The following EYS variants were observed in gnomAD, a reference collection of about 807,000 sequenced individuals.
The protein encoded by EYS is protein eyes shut homolog.
EYS carries 250 observed loss-of-function variants against 282.1 expected under a neutral mutation model. That is an observed-to-expected ratio of 0.89 (90% CI 0.80 to 0.98). The LOEUF is 0.98. EYS is among the 50% of genes least tolerant of loss of function. The pLI is 0.00. For synonymous variants in EYS, 1,355 were observed against 1,282.9 expected, an observed-to-expected ratio of 1.06 and a Z score of -1.20; for missense variants, 4,016 against 3,709.0, an observed-to-expected ratio of 1.08 and a Z score of -2.15.
intron 5 of EYS, among the ~76,000 whole-genome samples, chr6:65,450,240 A>G (rs1764353050): frequency 6.6e-6 from 1 of 151,994 alleles, no homozygotes; most frequent in African/African-American, 2.4e-5. Context: ...ATTTTATAGC[A>G]TTTTTTTCTA....
At chr6:64,469,253 C>CAGATT (rs1436212709) in intron 26 of EYS, among the ~76,000 whole-genome samples, 2 of 152,102 alleles carry the variant, frequency 1.3e-5, no homozygotes, top group African/African-American at 4.8e-5. Flanking sequence ...ATCTGCTAAG[C>CAGATT]AACTCTAATA....
At chr6:64,353,519 T>C (rs1248139807) in intron 29 of EYS, among the ~76,000 whole-genome samples, 1 of 151,524 alleles carries the variant, frequency 6.6e-6, no homozygotes, top group Non-Finnish European at 1.5e-5. Flanking sequence ...ATTAGGAAAA[T>C]CTCAAAAGCA....
chr6:64,929,818 A>C (rs1768649538), intron 15 of EYS, among the ~76,000 whole-genome samples: 1 of 152,206 alleles, frequency 6.6e-6, no homozygotes. Flanking sequence ...TATAAGCAGG[A>C]TCAGATGATG....
At chr6:64,314,680 T>G (rs571553249) in intron 29 of EYS, among the ~76,000 whole-genome samples, 2 of 152,222 alleles carry the variant, frequency 1.3e-5, no homozygotes, top group Admixed American at 6.5e-5. Context: ...CCTGAGTGAC[T>G]GGGTAAATAA....
chr6:64,478,195 T>C (rs928508295), intron 26 of EYS, among the ~76,000 whole-genome samples: 1 of 152,080 alleles, frequency 6.6e-6, no homozygotes, highest in African/African-American at 2.4e-5. Flanking sequence ...TCTGATTAGC[T>C]ATATTCTTAT....
intron 26 of EYS, among the ~76,000 whole-genome samples, chr6:64,449,810 G>A (rs977418126): frequency 2.0e-5 from 3 of 152,034 alleles, no homozygotes; most frequent in African/African-American, 4.8e-5. Context: ...AAATGCTGAG[G>A]GATTTTGTCA....
intron 1 of EYS, among the ~76,000 whole-genome samples, chr6:65,689,420 T>C (rs546307337): frequency 6.7e-6 from 1 of 149,976 alleles, no homozygotes; most frequent in Non-Finnish European, 1.5e-5. Flanking sequence ...ATATACCTAA[T>C]GTTAAATGAC....
At chr6:65,689,474 T>C (rs1769158980) in intron 1 of EYS, among the ~76,000 whole-genome samples, 1 of 149,632 alleles carries the variant, frequency 6.7e-6, no homozygotes, top group African/African-American at 2.4e-5. Flanking sequence ...TGTATACGTA[T>C]GTAACTAACC....
chr6:65,213,345 G>C (rs182679578), intron 12 of EYS, among the ~76,000 whole-genome samples: 124 of 152,204 alleles, frequency 8.1e-4, no homozygotes, highest in Non-Finnish European at 1.4e-3. Flanking sequence ...TGAGAAAAAC[G>C]TTCCTTTGTT....
At chr6:65,021,613 G>T (rs1021349395) in intron 13 of EYS, among the ~76,000 whole-genome samples, 1 of 152,118 alleles carries the variant, frequency 6.6e-6, no homozygotes, top group Non-Finnish European at 1.5e-5. Flanking sequence ...TCCAGCCTCT[G>T]CCTGTTACCT....
intron 14 of EYS, among the ~76,000 whole-genome samples, chr6:64,963,943 A>G (rs1770012068): frequency 6.6e-6 from 1 of 152,152 alleles, no homozygotes; most frequent in Non-Finnish European, 1.5e-5. Context: ...GTACTTTTTT[A>G]TTAGGTAAAA....
At chr6:64,299,416 GTACAT>G (rs1312850334) in intron 30 of EYS, among the ~76,000 whole-genome samples, 1 of 152,230 alleles carries the variant, frequency 6.6e-6, no homozygotes, top group Non-Finnish European at 1.5e-5. Flanking sequence ...CAGTGTCTGA[GTACAT>G]TATTCATCCA....
chr6:65,335,479 G>A (rs1447502904), intron 10 of EYS, among the ~76,000 whole-genome samples: 2 of 151,728 alleles, frequency 1.3e-5, no homozygotes, highest in Non-Finnish European at 2.9e-5. Flanking sequence ...ACACTTTTCT[G>A]ATAAGCAATT....
chr6:64,698,500 T>G (rs1770663953), intron 22 of EYS, among the ~76,000 whole-genome samples: 1 of 152,124 alleles, frequency 6.6e-6, no homozygotes, highest in Non-Finnish European at 1.5e-5. Flanking sequence ...TAATTAAATT[T>G]AAGGGCTTCT....
chr6:65,170,838 TAA>T (rs1044189135), intron 12 of EYS, among the ~76,000 whole-genome samples: 10 of 151,656 alleles, frequency 6.6e-5, no homozygotes, highest in African/African-American at 2.4e-4. Context: ...CACTTATTTT[TAA>T]AGTTATTTAG....
At chr6:64,422,080 C>A (rs1414062914) in intron 28 of EYS, among the ~76,000 whole-genome samples, 1 of 152,112 alleles carries the variant, frequency 6.6e-6, no homozygotes, top group Admixed American at 6.5e-5. Flanking sequence ...AAATAATTAT[C>A]TAGCCCCAGT....
chr6:64,019,406 T>C (rs889358971), intron 33 of EYS, among the ~76,000 whole-genome samples: 18 of 148,492 alleles, frequency 1.2e-4, no homozygotes, highest in Non-Finnish European at 2.4e-4. Context: ...CAAGATATTT[T>C]CTTTCTTTCC....
At chr6:65,502,445 C>T (rs1766488581) in intron 2 of EYS, among the ~76,000 whole-genome samples, 1 of 151,538 alleles carries the variant, frequency 6.6e-6, no homozygotes, top group Non-Finnish European at 1.5e-5. Context: ...GAAGAGAGTG[C>T]CGAATGTTCT....
Position 64,146,045 on chromosome 6 carries a change from T to C in EYS, c.6425-64043A>G, listed in dbSNP as rs1774508966. ...ACCATTTTTTTTTCATGACAAAGTC[T>C]TCTGTCACAGTTTTCCTCGTGTTGT... On this transcript the variant is annotated intron_variant, in intron 31 of 42. Coordinates refer to ENST00000503581, the MANE Select transcript of EYS (RefSeq NM_001142800.2). Among the ~76,000 whole-genome samples the C allele has an allele frequency of 2.0e-5, 3 of 152,134 alleles. No homozygotes were observed. The South Asian group carries it at 6.2e-4, about 32-fold the overall frequency.
Sources: allele counts gnomAD v4.1 joint callset (sites outside exome capture counted in the v4.1 genomes callset), GRCh38; gene constraint gnomAD v4.1.1; transcripts MANE v1.5; gene names NCBI Gene and HGNC (gene_info 2026-07-23, HGNC 2026-07-21).